CNTNAP5: variants seen among roughly 807,000 people sequenced by gnomAD.
CNTNAP5 encodes contactin associated protein family member 5, also known as contactin-associated protein-like 5.
CNTNAP5 carries 72 observed loss-of-function variants against 150.2 expected under a neutral mutation model. The observed-to-expected ratio is 0.48, with a 90% confidence interval of 0.40 to 0.58. The LOEUF (loss-of-function observed/expected upper bound fraction) is 0.58, where lower values mean the gene tolerates loss of function less well. Among genes scored for constraint, CNTNAP5 ranks in the 20% least tolerant of loss-of-function variants. CNTNAP5 has a pLI of 0.00. For synonymous variants in CNTNAP5, 672 were observed against 619.8 expected, an observed-to-expected ratio of 1.08 and a Z score of -1.25; for missense variants, 1,636 against 1,626.2, an observed-to-expected ratio of 1.01 and a Z score of -0.10.
intron 3 of CNTNAP5, among the ~76,000 whole-genome samples, chr2:124,408,729 C>T (rs1411066554): frequency 2.7e-5 from 4 of 150,598 alleles, no homozygotes; most frequent in Non-Finnish European, 6.0e-5. Flanking sequence ...ACCAAAAACC[C>T]ATCTGTACAT....
chr2:124,349,544 C>T (rs1689822054), intron 3 of CNTNAP5, among the ~76,000 whole-genome samples: 1 of 152,100 alleles, frequency 6.6e-6, no homozygotes, highest in Non-Finnish European at 1.5e-5. Context: ...TTTTACATTG[C>T]TTGAGTCCCG....
intron 3 of CNTNAP5, among the ~76,000 whole-genome samples, chr2:124,362,652 G>T (rs1690246067): frequency 6.6e-6 from 1 of 152,070 alleles, no homozygotes; most frequent in Non-Finnish European, 1.5e-5. Context: ...TTGTAGTACT[G>T]CCTGGATAAC....
intron 1 of CNTNAP5, among the ~76,000 whole-genome samples, chr2:124,210,993 C>T (rs538246798): frequency 6.6e-6 from 1 of 152,178 alleles, no homozygotes; most frequent in African/African-American, 2.4e-5. Flanking sequence ...GGTTATGTAT[C>T]AGATAGCATG....
chr2:124,240,309 T>A (rs1231199435), intron 2 of CNTNAP5, among the ~76,000 whole-genome samples: 1 of 152,156 alleles, frequency 6.6e-6, no homozygotes, highest in African/African-American at 2.4e-5. Context: ...TCTGCCATCA[T>A]CTAGATCTTG....
chr2:124,081,221 A>G (rs1190676269), intron 1 of CNTNAP5, among the ~76,000 whole-genome samples: 1 of 152,076 alleles, frequency 6.6e-6, no homozygotes, highest in Non-Finnish European at 1.5e-5. Context: ...AACATGAAAT[A>G]TGTTAGTTCT....
intron 1 of CNTNAP5, among the ~76,000 whole-genome samples, chr2:124,098,728 AAAACAAAC>A (rs146227178): frequency 6.6e-6 from 1 of 152,080 alleles, no homozygotes; most frequent in Admixed American, 6.5e-5. Flanking sequence ...GCGTTGAGAA[AAAACAAAC>A]AAACAAACAA....
At chr2:124,220,678 A>G (rs564224463) in intron 1 of CNTNAP5, among the ~76,000 whole-genome samples, 1 of 152,236 alleles carries the variant, frequency 6.6e-6, no homozygotes, top group Admixed American at 6.5e-5. Context: ...GTATCTGGTG[A>G]GAGCTCTCTT....
intron 13 of CNTNAP5, among the ~76,000 whole-genome samples, chr2:124,651,216 C>T (rs924661820): frequency 4.6e-5 from 7 of 152,134 alleles, no homozygotes; most frequent in Non-Finnish European, 1.0e-4. Context: ...CTATTGCTAA[C>T]TAGTAGCCAG....
intron 19 of CNTNAP5, among the ~76,000 whole-genome samples, chr2:124,825,384 T>G (rs1682570957): frequency 6.6e-6 from 1 of 152,186 alleles, no homozygotes; most frequent in Non-Finnish European, 1.5e-5. Flanking sequence ...TCTATGTAAT[T>G]ATTTATCTCA....
intron 1 of CNTNAP5, among the ~76,000 whole-genome samples, chr2:124,203,401 G>T (rs913998609): frequency 6.6e-6 from 1 of 152,128 alleles, no homozygotes; most frequent in African/African-American, 2.4e-5. Context: ...GGTGCAAGCT[G>T]TTGGAGGATC....
chr2:124,445,005 A>G (rs913453907), intron 5 of CNTNAP5, among the ~76,000 whole-genome samples: 1 of 152,084 alleles, frequency 6.6e-6, no homozygotes, highest in African/African-American at 2.4e-5. Context: ...CAGAGAGGAC[A>G]GTATACCTTT....
chr2:124,749,305 C>G (rs1472855625), intron 14 of CNTNAP5, among the ~76,000 whole-genome samples: 1 of 151,940 alleles, frequency 6.6e-6, no homozygotes, highest in Non-Finnish European at 1.5e-5. Context: ...AAGTGCTTCC[C>G]CCTAGTTACT....
At chr2:124,053,404 A>T (rs114690177) in intron 1 of CNTNAP5, among the ~76,000 whole-genome samples, 175 of 152,322 alleles carry the variant, frequency 1.1e-3, no homozygotes, top group African/African-American at 3.9e-3. Flanking sequence ...CCATTTGAGC[A>T]CCAGCCCAGA....
intron 1 of CNTNAP5, among the ~76,000 whole-genome samples, chr2:124,107,733 A>G (rs770259821): frequency 2.6e-5 from 4 of 152,198 alleles, no homozygotes; most frequent in Non-Finnish European, 5.9e-5. Context: ...GTCTTTACCA[A>G]TTTAGAAAGT....
intron 13 of CNTNAP5, among the ~76,000 whole-genome samples, chr2:124,648,363 G>T (rs961114179): frequency 2.0e-5 from 3 of 152,066 alleles, no homozygotes; most frequent in African/African-American, 4.8e-5. Context: ...ACACCCACCC[G>T]AGAGGGATGA....
intron 21 of CNTNAP5, among the ~76,000 whole-genome samples, chr2:124,886,666 G>A (rs892437497): frequency 6.6e-6 from 1 of 152,004 alleles, no homozygotes; most frequent in African/African-American, 2.4e-5. Context: ...AAGAAATTGA[G>A]CTTGATGATA....
rs555097651 is a variant in CNTNAP5, at chr2:124,613,397, T to C, written c.1876+3477T>C. Among the ~76,000 whole-genome samples the C allele has an allele frequency of 1.2e-4, 19 of 152,322 alleles. No individual in the cohort carries two copies. The South Asian group carries it at 3.7e-3, about 30-fold the overall frequency. On this transcript the variant is annotated intron_variant, in intron 12 of 23. Transcript: ENST00000682447. ...AACCAAGCTCTCTTTCTGCACCTTG[T>C]GCCTGTCAGCTCAGTTAAGTGCCTG...
At chr2:124,851,078 T>G (rs890233946) in intron 19 of CNTNAP5, among the ~76,000 whole-genome samples, 8 of 152,010 alleles carry the variant, frequency 5.3e-5, no homozygotes, top group Admixed American at 3.9e-4. Context: ...ATTAAAAGAG[T>G]TGCAGGCCGG....
intron 1 of CNTNAP5, among the ~76,000 whole-genome samples, chr2:124,162,222 T>G (rs973066708): frequency 1.9e-4 from 29 of 152,060 alleles, no homozygotes; most frequent in African/African-American, 5.1e-4. Context: ...AAATGTTGGG[T>G]TTTTTTTGTT....
Sources: gnomAD v4.1 joint callset for allele counts (sites outside exome capture counted in the v4.1 genomes callset) on GRCh38, gnomAD v4.1.1 for gene constraint, MANE v1.5 for transcripts, NCBI Gene and HGNC (gene_info 2026-07-23, HGNC 2026-07-21) for gene names.